DAPK1: variants seen among roughly 807,000 people sequenced by gnomAD.
DAPK1 encodes the protein death-associated protein kinase 1.
In DAPK1, 56 loss-of-function variants were observed where a neutral mutation model predicts 144.9. The observed-to-expected ratio is 0.39, with a 90% CI of 0.31 to 0.48. The LOEUF (loss-of-function observed/expected upper bound fraction) is 0.48, where lower values mean the gene tolerates loss of function less well. DAPK1 is among the 20% of genes least tolerant of loss of function. DAPK1 has a pLI of 0.95. For missense variants in DAPK1, 1,454 were observed against 1,875.4 expected, an observed-to-expected ratio of 0.78 and a Z score of 4.15; for synonymous variants, 690 against 749.0, an observed-to-expected ratio of 0.92 and a Z score of 1.29.
chr9:87,541,329 C>G (rs573136387), intron 2 of DAPK1, among the ~76,000 whole-genome samples: 2 of 152,212 alleles, frequency 1.3e-5, no homozygotes, highest in East Asian at 3.9e-4. Flanking sequence ...GGGCAGATCC[C>G]TTGAGACCAG....
rs183078716 is a variant in DAPK1 at position 87,533,853 on chromosome 9, G to A, written c.62+34714G>A. ...AATTTTTGTATTTTGAGTTGAGACG[G>A]GGTTTCGCCATGTTGGCCAGGCTGG... On this transcript the variant is annotated intron_variant, in intron 2 of 25. Coordinates refer to ENST00000408954, the MANE Select transcript of DAPK1 (RefSeq NM_004938.4). Among the ~76,000 whole-genome samples the A allele has an allele frequency of 7.6e-3, 1,160 of 152,290 alleles. 7 individuals carry two copies. Among genetic ancestry groups the A allele is most frequent in the Middle Eastern group, 0.014 (4 of 294 alleles).
Position 87,648,827 on chromosome 9 carries a change from A to G in DAPK1, c.1376A>G (p.Asp459Gly). The G allele has an allele frequency of 6.2e-7, 1 of 1,614,234 alleles. No individual in the cohort carries two copies. Among genetic ancestry groups the G allele is most frequent in the Non-Finnish European group, 8.5e-7 (1 of 1,180,028 alleles). Reference sequence around the variant, plus strand: ...GTGGCAGCTCGCTATGGCCATGCTGACGTGGCTCAGTTACTGTGCAGCTTC... The same window carrying G: ...GTGGCAGCTCGCTATGGCCATGCTGGCGTGGCTCAGTTACTGTGCAGCTTC... ...LHVAARYGHA[D>G]VAQLLCSFGS... The change falls in exon 15 of 26, where the codon GAC becomes GGC. Residue 459 changes from aspartate (D) to glycine (G), a missense_variant. Coordinates refer to ENST00000408954, the MANE Select transcript of DAPK1 (RefSeq NM_004938.4).
chr9:87,647,552 G>A (rs1830313566), intron 14 of DAPK1, 149 bp downstream of exon 14: 1 of 701,542 alleles, frequency 1.4e-6, no homozygotes, highest in Non-Finnish European at 2.5e-6. Flanking sequence ...GAAATGTCTT[G>A]TTGCCTGTGG....
At chr9:87,680,951 TTACC>T (rs1251359178) in intron 19 of DAPK1, among the ~76,000 whole-genome samples, 1 of 152,156 alleles carries the variant, frequency 6.6e-6, no homozygotes, top group African/African-American at 2.4e-5. Context: ...TATGTGAATT[TTACC>T]TGAATTTTCA....
rs184230908 is a variant in DAPK1 at position 87,602,184 on chromosome 9, G to A, written c.63-2770G>A. Among the ~76,000 whole-genome samples the A allele has an allele frequency of 2.0e-5, 3 of 152,286 alleles. No homozygotes were observed. The East Asian group carries it at 5.8e-4, about 29-fold the overall frequency. ...ACGGTATCTTAAAAGAGGTGACATT[G>A]CAGTAGGTCTAGAACAAGTTTCCCA... On this transcript the variant is annotated intron_variant, in intron 2 of 25. Coordinates refer to ENST00000408954, the MANE Select transcript of DAPK1 (RefSeq NM_004938.4).
At chr9:87,695,797 T>C (rs1291441730) in intron 21 of DAPK1, among the ~76,000 whole-genome samples, 1 of 152,204 alleles carries the variant, frequency 6.6e-6, no homozygotes, top group Non-Finnish European at 1.5e-5. Flanking sequence ...TCATAGTCAC[T>C]GTTACATTCA....
chr9:87,625,166 G>C (rs574369137), intron 3 of DAPK1, among the ~76,000 whole-genome samples: 1 of 144,528 alleles, frequency 6.9e-6, no homozygotes, highest in African/African-American at 2.4e-5. Flanking sequence ...TTTGTTAATC[G>C]CTGTCCCAGA....
chr9:87,602,478 A>G (rs1222016649), intron 2 of DAPK1, among the ~76,000 whole-genome samples: 2 of 152,210 alleles, frequency 1.3e-5, no homozygotes, highest in Non-Finnish European at 2.9e-5. Context: ...ATCAGGGCTA[A>G]CCTGCCTTTA....
In DAPK1 at chr9:87,640,399, C is replaced by A; in HGVS notation, c.731C>A (p.Thr244Asn). ...YEFEDEYFSN[T>N]SALAKDFIRR... ...TTTGAGGATGAATACTTCAGTAATA[C>A]CAGTGCCCTAGCCAAAGATTTCATA... The change falls in exon 8 of 26, where the codon ACC becomes AAC. Residue 244 changes from threonine (T) to asparagine (N), a missense_variant. Coordinates refer to ENST00000408954, the MANE Select transcript of DAPK1 (RefSeq NM_004938.4). 1 of 1,614,186 alleles carries A rather than the reference C, an allele frequency of 6.2e-7. No individual in the cohort carries two copies.
At chr9:87,581,472 A>G (rs1827751315) in intron 2 of DAPK1, among the ~76,000 whole-genome samples, 1 of 152,206 alleles carries the variant, frequency 6.6e-6, no homozygotes, top group African/African-American at 2.4e-5. Flanking sequence ...ATATCCTGAA[A>G]TCAAAATGGA....
At chr9:87,644,578 AAGAG>A (rs1830205943) in intron 11 of DAPK1, among the ~76,000 whole-genome samples, 1 of 152,124 alleles carries the variant, frequency 6.6e-6, no homozygotes, top group Admixed American at 6.5e-5. Flanking sequence ...TTAGGGCGAG[AAGAG>A]AGAGAAGAGG....
chr9:87,602,329 T>A (rs1828553642), intron 2 of DAPK1, among the ~76,000 whole-genome samples: 1 of 152,138 alleles, frequency 6.6e-6, no homozygotes. Flanking sequence ...GCACTTTTCG[T>A]ATGGGGACCC....
At position 87,708,138 on chromosome 9, in the gene DAPK1, G is replaced by C. The variant is rs137979403; in HGVS notation, c.*774G>C. ...TGTTGCTCTAGGAAGACATTTTTCC[G>C]TTTGCTTTTGTTCCAATGTCAATGT... On this transcript the variant is annotated 3_prime_UTR_variant, in exon 26 of 26. Coordinates refer to ENST00000408954, the MANE Select transcript of DAPK1 (RefSeq NM_004938.4). 1 of 257,626 alleles carries C rather than the reference G, an allele frequency of 3.9e-6. No individual in the cohort carries two copies. 16.0% of individuals were successfully genotyped at this position (257,626 alleles called of 1,614,324 possible).
At chr9:87,590,343 C>T (rs1290352421) in intron 2 of DAPK1, among the ~76,000 whole-genome samples, 1 of 145,910 alleles carries the variant, frequency 6.9e-6, no homozygotes, top group African/African-American at 2.6e-5. Context: ...TTTCCTGATG[C>T]TTTCCCAAGT....
chr9:87,630,966 C>T (rs1246704635), intron 3 of DAPK1, among the ~76,000 whole-genome samples: 8 of 152,160 alleles, frequency 5.3e-5, no homozygotes, highest in Non-Finnish European at 1.5e-5. Flanking sequence ...TCTCATTGTA[C>T]ATAGAGCAAA....
chr9:87,585,657 C>T (rs1249557403), intron 2 of DAPK1, among the ~76,000 whole-genome samples: 2 of 152,234 alleles, frequency 1.3e-5, no homozygotes, highest in Non-Finnish European at 2.9e-5. Context: ...GACTTCACAA[C>T]TATCTCTTCT....
chr9:87,683,250 C>T (rs550255722), intron 20 of DAPK1, among the ~76,000 whole-genome samples: 84 of 151,860 alleles, frequency 5.5e-4, no homozygotes, highest in African/African-American at 1.9e-3. Flanking sequence ...ACCAGGCTAA[C>T]TTTTGTATTT....
At chr9:87,649,607 CCGATGGT>C (rs1830377075) in intron 15 of DAPK1, among the ~76,000 whole-genome samples, 1 of 152,164 alleles carries the variant, frequency 6.6e-6, no homozygotes, top group Admixed American at 6.5e-5. Flanking sequence ...ACAAGCAGGG[CCGATGGT>C]TTCAACGGGC....
intron 3 of DAPK1, among the ~76,000 whole-genome samples, chr9:87,614,130 C>T (rs2119005571): frequency 6.6e-6 from 1 of 152,324 alleles, no homozygotes; most frequent in South Asian, 2.1e-4. Context: ...CATACTCTCA[C>T]TTCTTGCCAG....
Sources: gnomAD v4.1 joint callset for allele counts (sites outside exome capture counted in the v4.1 genomes callset) on GRCh38, gnomAD v4.1.1 for gene constraint, MANE v1.5 for transcripts, NCBI Gene and HGNC (gene_info 2026-07-23, HGNC 2026-07-21) for gene names.